Variants in FRY observed in about 807,000 individuals in gnomAD.
FRY encodes FRY microtubule binding protein, also known as protein furry homolog.
Under a neutral mutation model 348.4 loss-of-function variants are expected in FRY, and 128 were observed. The observed-to-expected ratio is 0.37, with a 90% CI of 0.32 to 0.43. The LOEUF (loss-of-function observed/expected upper bound fraction) is 0.43, where lower values mean the gene tolerates loss of function less well. Among genes scored for constraint, FRY ranks in the 20% least tolerant of loss-of-function variants. FRY has a pLI of 1.00. For missense variants in FRY, 2,736 were observed against 3,695.2 expected, an observed-to-expected ratio of 0.74 and a Z score of 6.73; for synonymous variants, 1,370 against 1,374.7, an observed-to-expected ratio of 1.00 and a Z score of 0.08.
chr13:32,107,660 G>A (rs552048296), intron 3 of FRY, among the ~76,000 whole-genome samples: 15 of 152,146 alleles, frequency 9.9e-5, no homozygotes, highest in Non-Finnish European at 1.5e-4. Context: ...CTGGAGTCTC[G>A]TTGGAGAGAA....
At chr13:32,215,460 CCTAAGT>C (rs1884937370) in intron 35 of FRY, among the ~76,000 whole-genome samples, 1 of 151,994 alleles carries the variant, frequency 6.6e-6, no homozygotes, top group South Asian at 2.1e-4. Context: ...AGAAAGTACA[CCTAAGT>C]CTAAGATTTT....
chr13:32,184,738 CTTT>C (rs1192716210), intron 25 of FRY, 47 bp downstream of exon 25: 2 of 1,148,654 alleles, frequency 1.7e-6, no homozygotes, highest in Admixed American at 1.7e-5. Flanking sequence ...CCAGACTGAT[CTTT>C]TTGTTTTCTT....
intron 33 of FRY, among the ~76,000 whole-genome samples, chr13:32,210,654 G>A (rs1884632889): frequency 6.6e-6 from 1 of 152,092 alleles, no homozygotes; most frequent in African/African-American, 2.4e-5. Context: ...AAAAGGTAAG[G>A]GCTTTAAGAA....
At chr13:32,150,174 C>T (rs908345732) in intron 14 of FRY, among the ~76,000 whole-genome samples, 2 of 152,108 alleles carry the variant, frequency 1.3e-5, no homozygotes, top group Non-Finnish European at 2.9e-5. Context: ...ACAAATTTAG[C>T]ATCGGGAAGT....
In FRY at chr13:32,212,386, G is replaced by A; in HGVS notation, c.4682+4G>A. ...TATTGAAAGAATCTGATGAAAGGTTGGTACACAAATTTGACTTAATATCCA... is the reference window on the plus strand; with the variant it reads ...TATTGAAAGAATCTGATGAAAGGTTAGTACACAAATTTGACTTAATATCCA... On this transcript the variant is annotated splice_donor_region_variant and intron_variant, in intron 35 of 60. Transcript: ENST00000542859. 6.4e-7 allele frequency: 1 copy of A among 1,565,394 alleles called. No homozygotes were observed. The highest frequency in any genetic ancestry group is 1.4e-5 in the African/African-American group (1 of 73,708).
chr13:32,212,649 A>C (rs1464694034), intron 35 of FRY, among the ~76,000 whole-genome samples: 1 of 152,318 alleles, frequency 6.6e-6, no homozygotes, highest in East Asian at 1.9e-4. Context: ...GGCTTAGTAA[A>C]AACCATGAGT....
chr13:32,275,272 C>T, intron 56 of FRY: 1 of 304,472 alleles, frequency 3.3e-6, no homozygotes, highest in Non-Finnish European at 6.5e-6. Context: ...CCTGTAATCC[C>T]AGCTACTCGG....
intron 20 of FRY, among the ~76,000 whole-genome samples, chr13:32,177,057 C>A (rs1382550742): frequency 1.3e-5 from 2 of 152,238 alleles, no homozygotes; most frequent in East Asian, 3.9e-4. Flanking sequence ...ACACTCTTAC[C>A]CATGGGAACT....
chr13:32,082,458 A>C (rs540160358), intron 2 of FRY, among the ~76,000 whole-genome samples: 2 of 152,198 alleles, frequency 1.3e-5, no homozygotes, highest in Admixed American at 1.3e-4. Flanking sequence ...CACCTTTCCC[A>C]AGCAAAGTGT....
chr13:32,242,430 C>T (rs553959797), intron 46 of FRY, among the ~76,000 whole-genome samples: 5 of 152,104 alleles, frequency 3.3e-5, no homozygotes, highest in Non-Finnish European at 7.3e-5. Context: ...TAATTTAACA[C>T]TTTTTATTAA....
chr13:32,106,207 A>T (rs934334763), intron 3 of FRY, among the ~76,000 whole-genome samples: 3 of 148,958 alleles, frequency 2.0e-5, no homozygotes, highest in Non-Finnish European at 4.5e-5. Context: ...AGGATATATA[A>T]CATTATATTT....
intron 13 of FRY, among the ~76,000 whole-genome samples, chr13:32,149,002 C>G (rs1054879566): frequency 4.0e-5 from 6 of 149,970 alleles, no homozygotes; most frequent in Non-Finnish European, 7.4e-5. Context: ...TAAAATGAAC[C>G]TGTTTTATTT....
At chr13:32,211,358 C>A (rs917042244) in intron 34 of FRY, among the ~76,000 whole-genome samples, 3 of 152,176 alleles carry the variant, frequency 2.0e-5, no homozygotes, top group African/African-American at 7.2e-5. Context: ...CCTCAGGAGG[C>A]TGCAGGAGGA....
At chr13:32,059,208 G>A (rs1053724556) in intron 1 of FRY, among the ~76,000 whole-genome samples, 14 of 151,564 alleles carry the variant, frequency 9.2e-5, no homozygotes, top group Admixed American at 8.5e-4. Flanking sequence ...GCTGTTTTAA[G>A]TAATGTTCTT....
intron 3 of FRY, among the ~76,000 whole-genome samples, chr13:32,113,592 C>G (rs776625767): frequency 6.6e-6 from 1 of 152,234 alleles, no homozygotes; most frequent in Non-Finnish European, 1.5e-5. Flanking sequence ...TGCCCAGTAC[C>G]TAGCTCACTA....
At chr13:32,179,631 G>T in intron 22 of FRY, 44 bp from the exon 23 acceptor site, 1 of 1,606,678 alleles carries the variant, frequency 6.2e-7, no homozygotes, top group East Asian at 2.2e-5. Context: ...GGAACCATCA[G>T]TTACCATGTT....
rs1267753753 is a variant in FRY, at chr13:32,239,711, G to T, written c.6517G>T (p.Val2173Phe). The change falls in exon 46 of 61, where the codon GTT becomes TTT. Residue 2173 changes from valine (V) to phenylalanine (F), a missense_variant and splice_region_variant. By Grantham distance (50) the Val-to-Phe change is conservative. Coordinates refer to ENST00000542859, the MANE Select transcript of FRY (RefSeq NM_023037.3). The surrounding 1 kb of genome is among the most constrained non-coding windows in gnomAD (Gnocchi z 4.3). ...CTAATTGATTTTTTTATTTTAAAAGGTTTGTTTAGAAGAGAAGAACCCCAA... is the reference window on the plus strand; with the variant it reads ...CTAATTGATTTTTTTATTTTAAAAGTTTTGTTTAGAAGAGAAGAACCCCAA... ...CKDIAERIAQ[V>F]CLEEKNPKLS... 2.5e-6 allele frequency: 4 copies of T among 1,604,364 alleles called. No individual in the cohort carries two copies. The South Asian group carries it at 4.4e-5, about 18-fold the overall frequency.
intron 14 of FRY, among the ~76,000 whole-genome samples, chr13:32,151,157 C>T (rs1235363153): frequency 6.6e-6 from 1 of 152,230 alleles, no homozygotes; most frequent in Non-Finnish European, 1.5e-5. Context: ...TACTGGATTA[C>T]TTGTCTAAAA....
chr13:32,103,380 A>G (rs986751435), intron 3 of FRY, among the ~76,000 whole-genome samples: 1 of 152,222 alleles, frequency 6.6e-6, no homozygotes, highest in Non-Finnish European at 1.5e-5. Context: ...AAGAATAAAT[A>G]TCATTCTCAG....
Sources: gnomAD v4.1 joint callset for allele counts (sites outside exome capture counted in the v4.1 genomes callset) on GRCh38, gnomAD v4.1.1 for gene constraint, Gnocchi (gnomAD v3.1) non-coding constraint, MANE v1.5 for transcripts, NCBI Gene and HGNC (gene_info 2026-07-23, HGNC 2026-07-21) for gene names.